The following AEN variants were observed in gnomAD, a reference collection of about 807,000 sequenced individuals.
AEN encodes the protein apoptosis enhancing nuclease.
AEN carries 21 observed loss-of-function variants against 17.7 expected under a neutral mutation model. The ratio of observed to expected loss-of-function variants is 1.19; its 90% CI spans 0.84 to 1.71. AEN has a LOEUF of 1.71. AEN is among the 40% of genes most tolerant of loss of function. The pLI is 0.00. For missense variants in AEN, 462 were observed against 435.9 expected (o/e 1.06, Z -0.53); for synonymous variants, 190 against 173.0 (o/e 1.10, Z -0.77).
In AEN at chr15:88,630,093, C is replaced by T; in HGVS notation, c.777C>T (p.Ala259=). ...GQHGHSSVED[A]TTAMELYRLV... ...ACGGGCACTCATCAGTAGAAGATGC[C>T]ACGACAGCCATGGAGCTCTACCGGC... The change falls in exon 4 of 4, where the codon GCC becomes GCT. Residue 259 remains alanine (A), a synonymous_variant. Coordinates refer to ENST00000332810, the MANE Select transcript of AEN (RefSeq NM_022767.4). This position sits in a 1 kb window ranked among gnomAD's most constrained non-coding sequence, Gnocchi z 5.1. The T allele has an allele frequency of 6.2e-7, 1 of 1,614,088 alleles. No homozygotes were observed. The highest frequency in any genetic ancestry group is 8.5e-7 in the Non-Finnish European group (1 of 1,180,026).
rs1360975427 is a variant in AEN, at chr15:88,631,695, T to G, written c.*1401T>G. 6.5e-6 allele frequency: 1 copy of G among 152,924 alleles called. No homozygotes were observed. Among genetic ancestry groups the G allele is most frequent in the African/African-American group, 2.4e-5 (1 of 41,458 alleles). The allele number at this position is 152,924 out of a possible 1,614,324, so 9.5% of individuals were successfully genotyped here. A position where few individuals can be genotyped will look rare whatever the true frequency, so the allele number is the denominator to read the frequency against. ...AAGCCCATTGTTTATTCTTTGAGAA[T>G]TTGTTGTAACTTCTTCAGGATAACA... On this transcript the variant is annotated 3_prime_UTR_variant, in exon 4 of 4. Coordinates refer to ENST00000332810, the MANE Select transcript of AEN (RefSeq NM_022767.4).
chr15:88,616,632 T>C, upstream of AEN, among the ~76,000 whole-genome samples: 1 of 152,226 alleles, frequency 6.6e-6, no homozygotes, highest in East Asian at 1.9e-4. Flanking sequence ...TTAGCAATTT[T>C]TTTATGATAA....
At chr15:88,615,929 A>G in the AEN span, among the ~76,000 whole-genome samples, 8,938 of 152,226 alleles carry the variant, frequency 0.059, 676 homozygotes, top group African/African-American at 0.18. Context: ...TTGTAAATGC[A>G]AAACAGGTCA....
upstream of AEN, among the ~76,000 whole-genome samples, chr15:88,619,385 T>C (rs745361385): frequency 3.8e-4 from 58 of 152,280 alleles, no homozygotes; most frequent in Non-Finnish European, 7.1e-4. Flanking sequence ...GATCTGGATA[T>C]TGACTCTCTT....
the AEN span, chr15:88,611,991 T>C: frequency 2.3e-6 from 1 of 431,232 alleles, no homozygotes; most frequent in Non-Finnish European, 4.7e-6. Context: ...CACGTGTTCT[T>C]TTTTGTATCT....
chr15:88,629,325 A>C lies in AEN; in HGVS notation c.640A>C (p.Thr214Pro), dbSNP rs779904306. The C allele has an allele frequency of 2.4e-5, 39 of 1,613,896 alleles. No homozygotes were observed. The highest frequency in any genetic ancestry group is 3.1e-5 in the Non-Finnish European group (37 of 1,179,996). Residue 214 changes from threonine to proline, a missense_variant, in exon 3 of 4, where the codon ACG becomes CCG. Coordinates refer to ENST00000332810, the MANE Select transcript of AEN (RefSeq NM_022767.4). ...CCACCCTCGGAGCCAGACCCGGGAT[A>C]CGACCTATGTCCCAAACTTCCTCAG... ...YVHPRSQTRD[T>P]TYVPNFLSEP...
chr15:88,628,281 A>G (rs554850242), intron 2 of AEN: 4 of 152,344 alleles, frequency 2.6e-5, no homozygotes, highest in African/African-American at 7.2e-5. Context: ...TAAAGTCTCA[A>G]TGCATCTTAT....
In AEN at chr15:88,629,217, T is replaced by G. The variant is rs1213035032; in HGVS notation, c.541-9T>G. ...GGGTGACCTCCCTGACTCCTCTTTC[T>G]GCTCACAGATCCTTAAGCTCCTGAA... On this transcript the variant is annotated splice_polypyrimidine_tract_variant and intron_variant, in intron 2 of 3. Transcript: ENST00000332810. The G allele has an allele frequency of 1.9e-6, 3 of 1,613,728 alleles. No homozygotes were observed. The South Asian group carries it at 3.3e-5, about 18-fold the overall frequency.
At chr15:88,626,876 CAGT>C in intron 2 of AEN, 127 bp downstream of exon 2, 2 of 1,012,120 alleles carry the variant, frequency 2.0e-6, no homozygotes, top group Non-Finnish European at 2.9e-6. Context: ...CTGCTCCAAA[CAGT>C]AGGTTCCTTC....
chr15:88,606,162 T>A, the AEN span, among the ~76,000 whole-genome samples: 1 of 152,178 alleles, frequency 6.6e-6, no homozygotes, highest in Non-Finnish European at 1.5e-5. Flanking sequence ...CAGGCTCTGG[T>A]GTTCCGTGAA....
At chr15:88,626,778 G>C in intron 2 of AEN, 29 bp downstream of exon 2, 1 of 1,584,706 alleles carries the variant, frequency 6.3e-7, no homozygotes, top group Non-Finnish European at 8.6e-7. Flanking sequence ...ACTTGTTTGG[G>C]AGGTGTGGTG....
the AEN span, among the ~76,000 whole-genome samples, chr15:88,613,588 G>GT: frequency 6.6e-6 from 1 of 151,762 alleles, no homozygotes; most frequent in Non-Finnish European, 1.5e-5. Flanking sequence ...AAGCATCTCG[G>GT]GGGGGGATGT....
At chr15:88,607,181 C>T in the AEN span, among the ~76,000 whole-genome samples, 1 of 152,206 alleles carries the variant, frequency 6.6e-6, no homozygotes, top group Admixed American at 6.5e-5. Flanking sequence ...GGAAACGTGT[C>T]TCCCTTAGCA....
chr15:88,607,970 C>T, the AEN span: 17 of 321,336 alleles, frequency 5.3e-5, no homozygotes, highest in African/African-American at 2.1e-4. Context: ...ATGAATTGTC[C>T]GGGGCAGCTA....
Position 88,630,431 on chromosome 15 carries a change from T to C in AEN, c.*137T>C, listed in dbSNP as rs1020788016. 5 of 729,180 alleles carry C rather than the reference T, an allele frequency of 6.9e-6. No homozygotes were observed. Among genetic ancestry groups the C allele is most frequent in the African/African-American group, 1.8e-5 (1 of 56,534 alleles). The allele number at this position is 729,180 out of a possible 1,614,324, so 45.2% of individuals were successfully genotyped here. ...AGCCCCAGGGCCAGAGGAGTAGGGGTCATCTGTTACCTTGACACCCTCTGC... is the reference window on the plus strand; with the variant it reads ...AGCCCCAGGGCCAGAGGAGTAGGGGCCATCTGTTACCTTGACACCCTCTGC... On this transcript the variant is annotated 3_prime_UTR_variant, in exon 4 of 4. Transcript: ENST00000332810. This position sits in a 1 kb window ranked among gnomAD's most constrained non-coding sequence, Gnocchi z 5.1.
At chr15:88,609,860 A>G in the AEN span, among the ~76,000 whole-genome samples, 1 of 152,194 alleles carries the variant, frequency 6.6e-6, no homozygotes, top group East Asian at 1.9e-4. Flanking sequence ...TCTGTCTCTG[A>G]ACTCTGCTTC....
chr15:88,614,867 T>TG, the AEN span, among the ~76,000 whole-genome samples: 8 of 148,760 alleles, frequency 5.4e-5, no homozygotes, highest in East Asian at 1.9e-4. Context: ...TGTGGTGCTT[T>TG]TTTGTTGTTG....
In AEN at chr15:88,630,313, TGGCTGGGCTTCCGGTGTGGCCGGTA is replaced by T. The variant is rs1207726033; in HGVS notation, c.*22_*46del. The T allele has an allele frequency of 6.4e-7, 1 of 1,558,458 alleles. No individual in the cohort carries two copies. On this transcript the variant is annotated 3_prime_UTR_variant, in exon 4 of 4. Transcript: ENST00000332810. The surrounding 1 kb of genome is among the most constrained non-coding windows in gnomAD (Gnocchi z 5.1). ...GAATTGAGAAGGGGGCGGGGCTCCC[TGGCTGGGCTTCCGGTGTGGCCGGTA>T]GGAAGTGGGGGCCAGGAGAGCAGCG...
intron 1 of AEN, among the ~76,000 whole-genome samples, chr15:88,625,777 C>G (rs973337256): frequency 6.6e-6 from 1 of 152,204 alleles, no homozygotes; most frequent in Non-Finnish European, 1.5e-5. Flanking sequence ...ATATTGGACT[C>G]AGCCATGGTT....
Sources: allele counts gnomAD v4.1 joint callset (sites outside exome capture counted in the v4.1 genomes callset), GRCh38; gene constraint gnomAD v4.1.1; non-coding constraint Gnocchi (gnomAD v3.1); transcripts MANE v1.5; gene names NCBI Gene and HGNC (gene_info 2026-07-23, HGNC 2026-07-21).